The following CCDC63 variants were observed in gnomAD, a reference collection of about 807,000 sequenced individuals.
The protein encoded by CCDC63 is coiled-coil domain containing 63, also known as coiled-coil domain-containing protein 63.
CCDC63 carries 54 observed loss-of-function variants against 63.6 expected under a neutral mutation model. The observed-to-expected ratio is 0.85, with a 90% confidence interval of 0.68 to 1.07. The LOEUF is 1.07. Ranked by LOEUF, CCDC63 falls within the 50% of genes least tolerant of loss-of-function variation. The probability of loss-of-function intolerance (pLI) is 0.00; values close to 1 mark genes in which losing one functional copy is unlikely to be tolerated. For missense variants in CCDC63, 637 were observed against 689.6 expected (o/e 0.92, Z 0.86); for synonymous variants, 253 against 266.1 (o/e 0.95, Z 0.48).
At chr12:110,879,774 T>G in intron 5 of CCDC63, 132 bp from the exon 6 acceptor site, 1 of 822,660 alleles carries the variant, frequency 1.2e-6, no homozygotes, top group East Asian at 2.4e-5. Context: ...TCTTGCCTAC[T>G]GCTCCAACCA....
At chr12:110,862,652 T>C (rs906804802) in intron 4 of CCDC63, among the ~76,000 whole-genome samples, 5 of 152,120 alleles carry the variant, frequency 3.3e-5, no homozygotes, top group Non-Finnish European at 7.4e-5. Context: ...CAGGCCCAAC[T>C]CTAGTGGGGG....
rs140292793 is a variant in CCDC63 at position 110,907,277 on chromosome 12, C to T, written c.1547-54C>T. 3.2e-5 allele frequency: 51 copies of T among 1,581,746 alleles called. No homozygotes were observed. Among genetic ancestry groups the T allele is most frequent in the South Asian group, 9.3e-5 (8 of 86,336 alleles). On this transcript the variant is annotated intron_variant, in intron 11 of 11. Transcript: ENST00000308208. This position sits in a 1 kb window ranked among gnomAD's most constrained non-coding sequence, Gnocchi z 4.4. Reference sequence around the variant, plus strand: ...GGAGGGACGCCAAACCAGGCTTAGCCCCAGCCCTGGGGTTGATTTCCCAGC... The same window carrying T: ...GGAGGGACGCCAAACCAGGCTTAGCTCCAGCCCTGGGGTTGATTTCCCAGC...
At chr12:110,862,966 G>T (rs1312734132) in intron 4 of CCDC63, among the ~76,000 whole-genome samples, 1 of 152,092 alleles carries the variant, frequency 6.6e-6, no homozygotes, top group African/African-American at 2.4e-5. Flanking sequence ...ATGTTGGCCA[G>T]GCTGGTCTCG....
chr12:110,902,485 GT>G (rs1358173425), intron 10 of CCDC63, among the ~76,000 whole-genome samples: 15 of 152,026 alleles, frequency 9.9e-5, no homozygotes, highest in African/African-American at 3.6e-4. Flanking sequence ...CCCATGCCCA[GT>G]TCCTCCACAT....
chr12:110,865,464 CAAAAAAAA>C (rs10585238), intron 4 of CCDC63, among the ~76,000 whole-genome samples: 2 of 102,370 alleles, frequency 2.0e-5, no homozygotes, highest in African/African-American at 6.9e-5. Context: ...CAGCATATAC[CAAAAAAAA>C]AAAAAAAAAA....
chr12:110,899,941 C>T (rs1163342574), intron 10 of CCDC63, among the ~76,000 whole-genome samples: 2 of 152,038 alleles, frequency 1.3e-5, no homozygotes, highest in Non-Finnish European at 2.9e-5. Flanking sequence ...AGGCCAGGCA[C>T]AGTGGCTCAC....
intron 4 of CCDC63, among the ~76,000 whole-genome samples, chr12:110,869,290 G>C (rs894354239): frequency 6.6e-6 from 1 of 152,072 alleles, no homozygotes; most frequent in Non-Finnish European, 1.5e-5. Flanking sequence ...CCACCATCTC[G>C]ACACAAACAG....
chr12:110,904,525 C>T, intron 10 of CCDC63, 63 bp from the exon 11 acceptor site: 1 of 1,433,312 alleles, frequency 7.0e-7, no homozygotes, highest in Non-Finnish European at 9.8e-7. Context: ...GGTGGCACCA[C>T]CCACAGTGCC....
intron 4 of CCDC63, among the ~76,000 whole-genome samples, chr12:110,870,094 T>G (rs2071044173): frequency 6.6e-6 from 1 of 152,212 alleles, no homozygotes; most frequent in Non-Finnish European, 1.5e-5. Flanking sequence ...TGGAGCTTCT[T>G]TTTTTGAGAT....
intron 2 of CCDC63, 111 bp from the exon 3 acceptor site, chr12:110,853,294 C>A: frequency 9.1e-7 from 1 of 1,099,260 alleles, no homozygotes; most frequent in Non-Finnish European, 1.3e-6. Flanking sequence ...AGGTCTTCCA[C>A]TTCTAGCCAT....
At chr12:110,888,913 C>G (rs2071323280) in intron 8 of CCDC63, among the ~76,000 whole-genome samples, 1 of 150,762 alleles carries the variant, frequency 6.6e-6, no homozygotes, top group Non-Finnish European at 1.5e-5. Flanking sequence ...ACACTGTCAC[C>G]CAGGCTGGAG....
Position 110,898,989 on chromosome 12 carries a change from G to A in CCDC63, c.1206G>A (p.Glu402=). 1 of 1,613,116 alleles carries A rather than the reference G, an allele frequency of 6.2e-7. No homozygotes were observed. The highest frequency in any genetic ancestry group is 8.5e-7 in the Non-Finnish European group (1 of 1,179,654). Residue 402 remains glutamate (E), a synonymous_variant, in exon 10 of 12, where the codon GAG becomes GAA. Transcript: ENST00000308208. ...ATATGTATGAGAGCAAGTACGGGGA[G>A]GTCAGCAAGACCTTGGATCTATTGA... ...EADMYESKYG[E]VSKTLDLLKN... is the part of the protein sequence containing the mutation.
chr12:110,862,902 C>T (rs2070878217), intron 4 of CCDC63, among the ~76,000 whole-genome samples: 1 of 152,060 alleles, frequency 6.6e-6, no homozygotes, highest in Middle Eastern at 3.4e-3. Flanking sequence ...ATTACAGGCA[C>T]CCGCCACCAT....
chr12:110,870,127 G>A (rs1188172980), intron 4 of CCDC63, among the ~76,000 whole-genome samples: 3 of 152,144 alleles, frequency 2.0e-5, no homozygotes, highest in Non-Finnish European at 4.4e-5. Context: ...TTGTCGCCCA[G>A]GCTGGAGTGC....
intron 5 of CCDC63, among the ~76,000 whole-genome samples, chr12:110,874,806 T>C (rs2071110141): frequency 6.6e-6 from 1 of 152,066 alleles, no homozygotes; most frequent in Admixed American, 6.6e-5. Context: ...GGGGCCCCTC[T>C]CCTCCAAACC....
At chr12:110,899,687 CTTCT>C (rs2071462347) in intron 10 of CCDC63, among the ~76,000 whole-genome samples, 1 of 148,692 alleles carries the variant, frequency 6.7e-6, no homozygotes, top group South Asian at 2.2e-4. Flanking sequence ...CTTTTAATGC[CTTCT>C]TTTTTTTTTT....
chr12:110,904,184 A>C (rs1258175732), intron 10 of CCDC63, among the ~76,000 whole-genome samples: 1 of 152,052 alleles, frequency 6.6e-6, no homozygotes, highest in Non-Finnish European at 1.5e-5. Flanking sequence ...TCTATAAAAA[A>C]TACAAAAATT....
intron 4 of CCDC63, among the ~76,000 whole-genome samples, chr12:110,866,849 G>C (rs1176549657): frequency 1.5e-4 from 22 of 149,854 alleles, no homozygotes; most frequent in African/African-American, 4.9e-4. Context: ...CTCCCAGACG[G>C]GGTGGTGGCC....
intron 8 of CCDC63, among the ~76,000 whole-genome samples, chr12:110,892,125 C>T (rs1160284958): frequency 2.0e-5 from 3 of 152,204 alleles, no homozygotes; most frequent in African/African-American, 4.8e-5. Flanking sequence ...TGCATTTTCA[C>T]AAGCCTCCAG....
Sources: allele counts gnomAD v4.1 joint callset (sites outside exome capture counted in the v4.1 genomes callset), GRCh38; gene constraint gnomAD v4.1.1; non-coding constraint Gnocchi (gnomAD v3.1); transcripts MANE v1.5; gene names NCBI Gene and HGNC (gene_info 2026-07-23, HGNC 2026-07-21).